Variants in IGSF10 observed in about 807,000 individuals in gnomAD.
IGSF10 encodes immunoglobulin superfamily member 10.
In IGSF10, 126 loss-of-function variants were observed where a neutral mutation model predicts 128.2. That is an observed-to-expected ratio of 0.98 (90% CI 0.85 to 1.14). IGSF10 has a LOEUF of 1.14. Ranked by LOEUF, IGSF10 falls within the 50% of genes most tolerant of loss-of-function variation. The pLI is 0.00. For missense variants in IGSF10, 3,295 were observed against 3,149.8 expected (o/e 1.05, Z -1.10); for synonymous variants, 1,185 against 1,146.2 (o/e 1.03, Z -0.68).
At chr3:151,548,441 C>T in the IGSF10 span, among the ~76,000 whole-genome samples, 19 of 152,294 alleles carry the variant, frequency 1.2e-4, no homozygotes, top group South Asian at 1.7e-3. Context: ...ATTCCTACTG[C>T]GCTCTGCCTA....
chr3:151,432,833 T>C, downstream of IGSF10: 1 of 1,586,892 alleles, frequency 6.3e-7, no homozygotes, highest in Non-Finnish European at 8.6e-7. Context: ...CATGACGTTT[T>C]ATGTTTGCAC....
At chr3:151,594,461 G>A in the IGSF10 span, among the ~76,000 whole-genome samples, 1 of 151,062 alleles carries the variant, frequency 6.6e-6, no homozygotes, top group Non-Finnish European at 1.5e-5. Context: ...AGCTTCCTGA[G>A]TAGCTGGGAC....
the IGSF10 span, among the ~76,000 whole-genome samples, chr3:151,575,618 G>A: frequency 2.0e-5 from 3 of 152,172 alleles, no homozygotes; most frequent in Non-Finnish European, 2.9e-5. Flanking sequence ...CGATTTTCCC[G>A]GTACAGTCTG....
At chr3:151,492,394 A>C in the IGSF10 span, among the ~76,000 whole-genome samples, 1 of 152,180 alleles carries the variant, frequency 6.6e-6, no homozygotes. Flanking sequence ...GGAAACCCCA[A>C]CACACTGCTG....
chr3:151,452,800 A>G (rs1343938941), intron 5 of IGSF10, among the ~76,000 whole-genome samples: 1 of 152,020 alleles, frequency 6.6e-6, no homozygotes, highest in Non-Finnish European at 1.5e-5. Flanking sequence ...AAGTGGTGAA[A>G]TGGTTATTCT....
chr3:151,607,573 T>C, the IGSF10 span, among the ~76,000 whole-genome samples: 12 of 152,226 alleles, frequency 7.9e-5, no homozygotes, highest in Admixed American at 3.9e-4. Context: ...AAAAAGTATG[T>C]AATTAACTTT....
the IGSF10 span, among the ~76,000 whole-genome samples, chr3:151,504,267 T>A: frequency 6.6e-6 from 1 of 152,080 alleles, no homozygotes; most frequent in Non-Finnish European, 1.5e-5. Flanking sequence ...GTTGGTTAGG[T>A]TAGGTCTTTT....
Position 151,442,971 on chromosome 3 carries a change from G to T in IGSF10, c.5963+13C>A. On this transcript the variant is annotated intron_variant, in intron 7 of 7. Transcript: ENST00000282466. Reference sequence around the variant, plus strand: ...ATAAAGCAGATAATTCCAACCCAAAGGTATAGACTTACCTATGCTGCTGGT... The same window carrying T: ...ATAAAGCAGATAATTCCAACCCAAATGTATAGACTTACCTATGCTGCTGGT... The T allele has an allele frequency of 6.2e-7, 1 of 1,607,732 alleles. No homozygotes were observed. The highest frequency in any genetic ancestry group is 1.7e-4 in the Middle Eastern group (1 of 5,876).
Position 151,445,376 on chromosome 3 carries a change from T to C in IGSF10, c.4605A>G (p.Thr1535=). Reference sequence around the variant, plus strand: ...AGTAGATGAAGTGAGTGGTTCCAATTGTGAACTTGGCATTTGGGTGAACCT... The same window carrying C: ...AGTAGATGAAGTGAGTGGTTCCAATCGTGAACTTGGCATTTGGGTGAACCT... ...SPKVHPNAKF[T]IGTTHFIYSN... The change falls in exon 6 of 8, where the codon ACA becomes ACG. Residue 1535 remains threonine (T), a synonymous_variant. Transcript: ENST00000282466. The C allele has an allele frequency of 6.2e-7, 1 of 1,614,224 alleles. No homozygotes were observed. The highest frequency in any genetic ancestry group is 8.5e-7 in the Non-Finnish European group (1 of 1,180,030).
the IGSF10 span, among the ~76,000 whole-genome samples, chr3:151,482,214 T>C: frequency 6.6e-6 from 1 of 152,118 alleles, no homozygotes; most frequent in South Asian, 2.1e-4. Flanking sequence ...AATTTATAAA[T>C]TGCCCAAAAA....
Position 151,446,301 on chromosome 3 carries a change from A to C in IGSF10, c.3680T>G (p.Leu1227Ter). The change falls in exon 6 of 8, where the codon TTA becomes TGA. Residue 1227 changes from leucine (L) to a stop codon, truncating the protein, a stop_gained. Coordinates refer to ENST00000282466, the MANE Select transcript of IGSF10 (RefSeq NM_178822.5). LOFTEE classifies it high-confidence loss of function. ...AAGCATCACAGCTGTGCTTTTTTGT[A>C]AACTAACTTTATGTTGATTCCTTAA... is the stretch of plus-strand genomic sequence containing the variant. ...GRLRNQHKVS[L>*]QKSTAVMLPK... 6.2e-7 allele frequency: 1 copy of C among 1,614,022 alleles called. No individual in the cohort carries two copies. Among genetic ancestry groups the C allele is most frequent in the Non-Finnish European group, 8.5e-7 (1 of 1,179,904 alleles).
chr3:151,492,758 A>G, the IGSF10 span, among the ~76,000 whole-genome samples: 1 of 101,182 alleles, frequency 9.9e-6, no homozygotes, highest in Non-Finnish European at 2.1e-5. Context: ...AACAAACAAA[A>G]CCCCATCATA....
At chr3:151,485,390 C>T in the IGSF10 span, among the ~76,000 whole-genome samples, 1 of 152,134 alleles carries the variant, frequency 6.6e-6, no homozygotes, top group Non-Finnish European at 1.5e-5. Context: ...AGGATATTAT[C>T]CAGGAGAACT....
chr3:151,473,220 G>A, the IGSF10 span, among the ~76,000 whole-genome samples: 1 of 152,188 alleles, frequency 6.6e-6, no homozygotes, highest in Non-Finnish European at 1.5e-5. Flanking sequence ...TCAAGCTTGT[G>A]CTGAACACAA....
At chr3:151,493,732 A>G in the IGSF10 span, among the ~76,000 whole-genome samples, 1 of 152,100 alleles carries the variant, frequency 6.6e-6, no homozygotes, top group South Asian at 2.1e-4. Context: ...CTAAGGACAC[A>G]TTTTTCTCCA....
At chr3:151,473,777 T>A in the IGSF10 span, among the ~76,000 whole-genome samples, 5 of 152,200 alleles carry the variant, frequency 3.3e-5, no homozygotes, top group Admixed American at 2.6e-4. Flanking sequence ...AGAATCTGCA[T>A]ATTCTGTTCT....
chr3:151,591,093 T>G, the IGSF10 span, among the ~76,000 whole-genome samples: 2 of 152,162 alleles, frequency 1.3e-5, no homozygotes, highest in African/African-American at 4.8e-5. Flanking sequence ...CATCATGTAC[T>G]GTTGGATGGG....
chr3:151,459,297 A>G (rs1322953693), intron 2 of IGSF10, among the ~76,000 whole-genome samples: 1 of 152,190 alleles, frequency 6.6e-6, no homozygotes, highest in African/African-American at 2.4e-5. Context: ...CATGTGATCA[A>G]ACTCAATTTT....
chr3:151,595,924 A>G, the IGSF10 span, among the ~76,000 whole-genome samples: 1 of 152,168 alleles, frequency 6.6e-6, no homozygotes, highest in Admixed American at 6.5e-5. Flanking sequence ...ATTGTATTGT[A>G]TATTAGAAAT....
Sources: allele counts gnomAD v4.1 joint callset (sites outside exome capture counted in the v4.1 genomes callset), GRCh38; gene constraint gnomAD v4.1.1; transcripts MANE v1.5; gene names NCBI Gene and HGNC (gene_info 2026-07-23, HGNC 2026-07-21).